FSTL4: variants seen among roughly 807,000 people sequenced by gnomAD.
The protein encoded by FSTL4 is follistatin-related protein 4.
Under a neutral mutation model 78.2 loss-of-function variants are expected in FSTL4, and 28 were observed. That is an observed-to-expected ratio of 0.36 (90% CI 0.27 to 0.49). The LOEUF is 0.49. Among genes scored for constraint, FSTL4 ranks in the 20% least tolerant of loss-of-function variants. The pLI is 0.98. For synonymous variants in FSTL4, 422 were observed against 440.5 expected, an observed-to-expected ratio of 0.96 and a Z score of 0.53; for missense variants, 922 against 1,084.9, an observed-to-expected ratio of 0.85 and a Z score of 2.11.
At chr5:133,402,910 T>G (rs1756268540) in intron 3 of FSTL4, among the ~76,000 whole-genome samples, 1 of 152,210 alleles carries the variant, frequency 6.6e-6, no homozygotes, top group Admixed American at 6.5e-5. Context: ...CTGCACGCCT[T>G]CCTGTCAAGG....
At chr5:133,474,719 G>A (rs1330164109) in intron 3 of FSTL4, among the ~76,000 whole-genome samples, 1 of 152,172 alleles carries the variant, frequency 6.6e-6, no homozygotes, top group Non-Finnish European at 1.5e-5. Flanking sequence ...CCGAGCACCA[G>A]GGTCAGTGGA....
At chr5:133,705,447 T>C in the FSTL4 span, among the ~76,000 whole-genome samples, 1 of 152,214 alleles carries the variant, frequency 6.6e-6, no homozygotes, top group Non-Finnish European at 1.5e-5. Context: ...CCTTCTGGAA[T>C]GGTGGGACCC....
intron 6 of FSTL4, among the ~76,000 whole-genome samples, chr5:133,272,441 G>A (rs760091905): frequency 2.0e-5 from 3 of 152,352 alleles, no homozygotes; most frequent in Non-Finnish European, 2.9e-5. Context: ...GCGCCGTGAC[G>A]TGCATTTAGT....
chr5:133,802,962 C>T, the FSTL4 span, among the ~76,000 whole-genome samples: 1 of 152,180 alleles, frequency 6.6e-6, no homozygotes, highest in African/African-American at 2.4e-5. Context: ...CCACTGACTG[C>T]CAAGCTGGGG....
Position 133,507,061 on chromosome 5 carries a change from C to T in FSTL4, c.160+60125G>A, listed in dbSNP as rs574768767. On this transcript the variant is annotated intron_variant, in intron 3 of 15. Coordinates refer to ENST00000265342, the MANE Select transcript of FSTL4 (RefSeq NM_015082.2). ...CATCTCTACTAAAACTACAAAAATT[C>T]GCTGGGCATGGTGGCACATGCCTGT... Among the ~76,000 whole-genome samples the T allele has an allele frequency of 3.2e-4, 48 of 152,082 alleles. No individual in the cohort carries two copies. In the South Asian group the frequency reaches 5.8e-3, roughly 18 times the overall value.
chr5:133,659,786 A>C, the FSTL4 span, among the ~76,000 whole-genome samples: 1 of 152,038 alleles, frequency 6.6e-6, no homozygotes, highest in Admixed American at 6.6e-5. Context: ...GTTGTGCTTA[A>C]GCTATCAAGA....
intron 4 of FSTL4, among the ~76,000 whole-genome samples, chr5:133,329,258 G>A (rs1754286270): frequency 6.6e-6 from 1 of 152,124 alleles, no homozygotes; most frequent in Non-Finnish European, 1.5e-5. Context: ...AATGATTGGA[G>A]GGCCTTGGTA....
intron 4 of FSTL4, among the ~76,000 whole-genome samples, chr5:133,355,833 C>T (rs17166631): frequency 0.16 from 24,767 of 152,126 alleles, 2,295 homozygotes; most frequent in East Asian, 0.37. Flanking sequence ...GTCCGTGCTC[C>T]CCTTCACACT....
chr5:133,325,238 G>T (rs2126901869), intron 4 of FSTL4, among the ~76,000 whole-genome samples: 2 of 152,342 alleles, frequency 1.3e-5, no homozygotes, highest in Middle Eastern at 3.4e-3. Flanking sequence ...CTTCAGGAAA[G>T]ACCCTGTTTT....
the FSTL4 span, among the ~76,000 whole-genome samples, chr5:133,664,289 G>A: frequency 1.3e-5 from 2 of 151,572 alleles, no homozygotes; most frequent in Non-Finnish European, 2.9e-5. Flanking sequence ...TGGAAACATG[G>A]CGCAGCATAG....
chr5:133,818,978 C>G, the FSTL4 span, among the ~76,000 whole-genome samples: 2 of 110,912 alleles, frequency 1.8e-5, no homozygotes, highest in South Asian at 7.0e-4. Flanking sequence ...CATGCACACA[C>G]ACACAATTTC....
chr5:133,439,865 G>T (rs765396707), intron 3 of FSTL4, among the ~76,000 whole-genome samples: 11 of 152,114 alleles, frequency 7.2e-5, no homozygotes, highest in Non-Finnish European at 1.5e-4. Context: ...CCCACACCTG[G>T]CACCATCAGT....
At chr5:133,719,352 A>G in the FSTL4 span, among the ~76,000 whole-genome samples, 1 of 152,148 alleles carries the variant, frequency 6.6e-6, no homozygotes, top group East Asian at 1.9e-4. Context: ...ACAGTCTGCT[A>G]TGGCCAATAA....
At position 133,346,262 on chromosome 5, in the gene FSTL4, G is replaced by A. The variant is rs546742712; in HGVS notation, c.410-29610C>T. On this transcript the variant is annotated intron_variant, in intron 4 of 15. Coordinates refer to ENST00000265342, the MANE Select transcript of FSTL4 (RefSeq NM_015082.2). ...TGTCAGGGGGTTGGGGGCAAGGGGAGGGAGAGCATTAGAACAAATACCTAA... is the reference window on the plus strand; with the variant it reads ...TGTCAGGGGGTTGGGGGCAAGGGGAAGGAGAGCATTAGAACAAATACCTAA... Among the ~76,000 whole-genome samples the A allele has an allele frequency of 1.5e-3, 224 of 152,228 alleles. 1 individual carries two copies. The highest frequency in any genetic ancestry group is 0.014 in the Middle Eastern group (4 of 294).
intron 3 of FSTL4, among the ~76,000 whole-genome samples, chr5:133,502,589 T>C (rs1178669117): frequency 6.6e-6 from 1 of 152,154 alleles, no homozygotes; most frequent in African/African-American, 2.4e-5. Context: ...CCAGTGCTGT[T>C]CATGTGAAAT....
At chr5:133,644,954 C>T in the FSTL4 span, among the ~76,000 whole-genome samples, 1 of 152,122 alleles carries the variant, frequency 6.6e-6, no homozygotes. Flanking sequence ...CGACAGGCAG[C>T]TCCCCTCCAC....
chr5:133,527,105 T>G (rs1759146069), intron 3 of FSTL4, among the ~76,000 whole-genome samples: 1 of 152,224 alleles, frequency 6.6e-6, no homozygotes, highest in African/African-American at 2.4e-5. Context: ...GCACTCATTC[T>G]CAGTCCCCAC....
At chr5:133,707,706 A>G in the FSTL4 span, among the ~76,000 whole-genome samples, 5 of 152,238 alleles carry the variant, frequency 3.3e-5, no homozygotes, top group East Asian at 9.7e-4. Context: ...GAGGAAGTAT[A>G]GGAAGCTGGT....
At chr5:133,229,352 A>G (rs1751423318) in intron 8 of FSTL4, among the ~76,000 whole-genome samples, 1 of 152,190 alleles carries the variant, frequency 6.6e-6, no homozygotes, top group Non-Finnish European at 1.5e-5. Flanking sequence ...TGAAACCCTG[A>G]TTCTACCAAA....
Sources: allele counts gnomAD v4.1 joint callset (sites outside exome capture counted in the v4.1 genomes callset), GRCh38; gene constraint gnomAD v4.1.1; transcripts MANE v1.5; gene names NCBI Gene and HGNC (gene_info 2026-07-23, HGNC 2026-07-21).